FASTKD1: variants seen among roughly 807,000 people sequenced by gnomAD.
FASTKD1 encodes the protein FAST kinase domains 1.
FASTKD1 carries 94 observed loss-of-function variants against 90.9 expected under a neutral mutation model. The ratio of observed to expected loss-of-function variants is 1.03; its 90% CI spans 0.88 to 1.23. The LOEUF (loss-of-function observed/expected upper bound fraction) is 1.23. Ranked by LOEUF, FASTKD1 falls within the 50% of genes most tolerant of loss-of-function variation. The pLI is 0.00. For missense variants in FASTKD1, 945 were observed against 993.5 expected (o/e 0.95, Z 0.66); for synonymous variants, 319 against 345.8 (o/e 0.92, Z 0.86).
intron 2 of FASTKD1, among the ~76,000 whole-genome samples, chr2:169,569,622 G>A (rs894267457): frequency 7.9e-5 from 12 of 152,144 alleles, no homozygotes; most frequent in South Asian, 4.1e-4. Flanking sequence ...AGGCTGAGGC[G>A]GGCGGATCAC....
At chr2:169,568,968 C>T (rs113212869) in intron 3 of FASTKD1, among the ~76,000 whole-genome samples, 4,485 of 149,372 alleles carry the variant, frequency 0.03, 218 homozygotes, top group African/African-American at 0.11. Flanking sequence ...CACTGCACTC[C>T]AGCCTGGGCG....
At chr2:169,551,492 C>G (rs1476558254) in intron 7 of FASTKD1, among the ~76,000 whole-genome samples, 1 of 151,964 alleles carries the variant, frequency 6.6e-6, no homozygotes, top group Admixed American at 6.6e-5. Context: ...GCAAAAGAAG[C>G]CTGACACAAA....
rs1257892047 is a variant in FASTKD1 at position 169,546,440 on chromosome 2, G to A, written c.1479C>T (p.His493=). ...LDHYGRQRLQ[H]SNSLDLLRKE... The stretch of plus-strand genomic sequence containing the variant: ...TCCGTAACAGATCCAAACTGTTGCT[G>A]TGTTGTAGTCTCTGACGACCATAGT... Residue 493 remains histidine (H), a synonymous_variant, in exon 8 of 15, where the codon CAC becomes CAT. Coordinates refer to ENST00000453153, the MANE Select transcript of FASTKD1 (RefSeq NM_024622.6). The A allele has an allele frequency of 5.6e-6, 9 of 1,614,052 alleles. No individual in the cohort carries two copies. The highest frequency in any genetic ancestry group is 7.6e-6 in the Non-Finnish European group (9 of 1,180,026).
Position 169,530,631 on chromosome 2 carries a change from T to C in FASTKD1, c.2398A>G (p.Met800Val), listed in dbSNP as rs146935252. The C allele has an allele frequency of 6.2e-7, 1 of 1,609,822 alleles. No homozygotes were observed. Among genetic ancestry groups the C allele is most frequent in the Non-Finnish European group, 8.5e-7 (1 of 1,178,788 alleles). Reference protein sequence around the residue: ...NIPHMKGKSAMKKRHLEILGY... With the variant: ...NIPHMKGKSAVKKRHLEILGY... ...AGAATTTCCAAATGTCGTTTTTTCA[T>C]AGCAGATTTTCCTTTCATGTGAGGG... The change falls in exon 14 of 15, where the codon ATG becomes GTG. Residue 800 changes from methionine to valine, a missense_variant. Coordinates refer to ENST00000453153, the MANE Select transcript of FASTKD1 (RefSeq NM_024622.6).
intron 13 of FASTKD1, 196 bp from the exon 14 acceptor site, chr2:169,530,897 T>C (rs1684451609): frequency 1.4e-6 from 1 of 692,830 alleles, no homozygotes; most frequent in East Asian, 2.7e-5. Flanking sequence ...TTATTGTAAA[T>C]ATTTGTCTGC....
chr2:169,563,120 A>G, intron 4 of FASTKD1, 105 bp downstream of exon 4: 1 of 1,111,670 alleles, frequency 9.0e-7, no homozygotes, highest in African/African-American at 1.6e-5. Context: ...CCAAGAGCTT[A>G]AGTAACCTTA....
At chr2:169,558,021 C>A (rs1683407428) in intron 5 of FASTKD1, among the ~76,000 whole-genome samples, 1 of 152,180 alleles carries the variant, frequency 6.6e-6, no homozygotes, top group Non-Finnish European at 1.5e-5. Flanking sequence ...CCACTTCAGT[C>A]TATATTTTTC....
chr2:169,559,322 A>G (rs1053691746), intron 5 of FASTKD1, among the ~76,000 whole-genome samples: 3 of 152,146 alleles, frequency 2.0e-5, no homozygotes, highest in South Asian at 2.1e-4. Flanking sequence ...TTTCCCTAAC[A>G]GAGTAATGAT....
At chr2:169,554,253 A>C (rs1272406501) in intron 7 of FASTKD1, among the ~76,000 whole-genome samples, 1 of 115,688 alleles carries the variant, frequency 8.6e-6, no homozygotes, top group Non-Finnish European at 1.7e-5. Context: ...ACTCCAGCCC[A>C]GGGGACAGAG....
At chr2:169,555,644 A>C (rs1574396633) in intron 6 of FASTKD1, among the ~76,000 whole-genome samples, 1 of 152,236 alleles carries the variant, frequency 6.6e-6, no homozygotes, top group East Asian at 1.9e-4. Context: ...TGGCCCTCAA[A>C]TGAAGATGCT....
At position 169,573,831 on chromosome 2, in the gene FASTKD1, A is replaced by C. The variant is rs182573226; in HGVS notation, c.-305T>G. ...GGTTTATAACCTTTCTTCGAGAGAC[A>C]TGACCTTTCCCATGAGACCTTGCCC... On this transcript the variant is annotated 5_prime_UTR_variant, in exon 1 of 15. It removes an upstream start codon present in the reference 5' UTR. Coordinates refer to ENST00000453153, the MANE Select transcript of FASTKD1 (RefSeq NM_024622.6). 1 of 152,244 alleles carries C rather than the reference A, an allele frequency of 6.6e-6. No homozygotes were observed. The highest frequency in any genetic ancestry group is 1.9e-4 in the East Asian group (1 of 5,194). 9.4% of individuals were successfully genotyped at this position (152,244 alleles called of 1,614,324 possible).
rs192084653 is a variant in FASTKD1 at position 169,544,341 on chromosome 2, G to T, written c.1816+380C>A. 5.9e-5 allele frequency among the ~76,000 whole-genome samples: 9 copies of T among 152,214 alleles called. No homozygotes were observed. In the East Asian group the frequency reaches 1.7e-3, roughly 29 times the overall value. On this transcript the variant is annotated intron_variant, in intron 9 of 14. Transcript: ENST00000453153. ...TCCCAACACTTTGGGAAGCCTTGGC[G>T]GGTGGATCACCTGAGGTCAGGAGTT...
chr2:169,532,864 T>C (rs1229651995), intron 12 of FASTKD1, among the ~76,000 whole-genome samples: 1 of 152,128 alleles, frequency 6.6e-6, no homozygotes, highest in Non-Finnish European at 1.5e-5. Flanking sequence ...AGGAATAGGT[T>C]CCACTGCCTT....
At chr2:169,544,293 G>A (rs1685084872) in intron 9 of FASTKD1, among the ~76,000 whole-genome samples, 1 of 152,124 alleles carries the variant, frequency 6.6e-6, no homozygotes, top group Non-Finnish European at 1.5e-5. Context: ...TATAGGGCCG[G>A]GCGCAGTGGC....
intron 3 of FASTKD1, among the ~76,000 whole-genome samples, chr2:169,565,581 T>C (rs1683939731): frequency 6.6e-6 from 1 of 152,150 alleles, no homozygotes; most frequent in South Asian, 2.1e-4. Context: ...TCTTTATCCA[T>C]TCATCTGTTG....
rs1390013547 is a variant in FASTKD1 at position 169,529,216 on chromosome 2, C to G, written c.*609G>C. ...CCACCTGCCCCCCATCTTGCTCTTCCTATAGACTATCCCCATCTTAGTTAA... is the reference window on the plus strand; with the variant it reads ...CCACCTGCCCCCCATCTTGCTCTTCGTATAGACTATCCCCATCTTAGTTAA... On this transcript the variant is annotated 3_prime_UTR_variant, in exon 15 of 15. Transcript: ENST00000453153. Among the ~76,000 whole-genome samples the G allele has an allele frequency of 1.3e-5, 2 of 151,926 alleles. No homozygotes were observed. Among genetic ancestry groups the G allele is most frequent in the African/African-American group, 4.8e-5 (2 of 41,378 alleles).
intron 4 of FASTKD1, among the ~76,000 whole-genome samples, chr2:169,561,296 A>G (rs1683584766): frequency 6.6e-6 from 1 of 151,796 alleles, no homozygotes; most frequent in Non-Finnish European, 1.5e-5. Context: ...GAAAAAAAAA[A>G]AGGCAGGGAA....
Position 169,529,733 on chromosome 2 carries a change from A to C in FASTKD1, c.*92T>G, listed in dbSNP as rs1684393324. On this transcript the variant is annotated 3_prime_UTR_variant, in exon 15 of 15. Coordinates refer to ENST00000453153, the MANE Select transcript of FASTKD1 (RefSeq NM_024622.6). Reference sequence around the variant, plus strand: ...AACATGCCAGGCATGTTCCCACCTTAGGACATTTGTACCTATTTTTTAATT... The same window carrying C: ...AACATGCCAGGCATGTTCCCACCTTCGGACATTTGTACCTATTTTTTAATT... 2 of 810,062 alleles carry C rather than the reference A, an allele frequency of 2.5e-6. No homozygotes were observed. 50.2% of individuals were successfully genotyped at this position (810,062 alleles called of 1,614,324 possible). A position where few individuals can be genotyped will look rare whatever the true frequency, so the allele number is the denominator to read the frequency against.
intron 12 of FASTKD1, among the ~76,000 whole-genome samples, chr2:169,536,276 T>C (rs1215372067): frequency 6.6e-6 from 1 of 152,184 alleles, no homozygotes; most frequent in Admixed American, 6.5e-5. Context: ...TGCTCAAGGA[T>C]TGAAATCCAT....
Sources: gnomAD v4.1 joint callset for allele counts (sites outside exome capture counted in the v4.1 genomes callset) on GRCh38, gnomAD v4.1.1 for gene constraint, MANE v1.5 for transcripts, NCBI Gene and HGNC (gene_info 2026-07-23, HGNC 2026-07-21) for gene names.